The following C17orf78 variants were observed in gnomAD, a reference collection of about 807,000 sequenced individuals.
C17orf78 encodes the protein uncharacterized protein C17orf78.
Under a neutral mutation model 31.8 loss-of-function variants are expected in C17orf78, and 27 were observed. The observed-to-expected ratio is 0.85, with a 90% CI of 0.63 to 1.17. The LOEUF (loss-of-function observed/expected upper bound fraction) is 1.17, where lower values mean the gene tolerates loss of function less well. Among genes scored for constraint, C17orf78 ranks in the 50% most tolerant of loss-of-function variants. The probability of loss-of-function intolerance (pLI) is 0.00; values close to 1 mark genes in which losing one functional copy is unlikely to be tolerated. For synonymous variants in C17orf78, 106 were observed against 115.1 expected, an observed-to-expected ratio of 0.92 and a Z score of 0.51; for missense variants, 258 against 315.2, an observed-to-expected ratio of 0.82 and a Z score of 1.37.
chr17:37,391,323 T>C (rs1033737405), intron 6 of C17orf78, among the ~76,000 whole-genome samples: 1 of 152,210 alleles, frequency 6.6e-6, no homozygotes, highest in Non-Finnish European at 1.5e-5. Flanking sequence ...CCAGGGCAAG[T>C]ATCTACATTT....
At chr17:37,381,781 C>T (rs1178575738) in intron 3 of C17orf78, among the ~76,000 whole-genome samples, 7 of 151,788 alleles carry the variant, frequency 4.6e-5, no homozygotes, top group Admixed American at 4.6e-4. Flanking sequence ...GCACTCGCCA[C>T]CACACCCAGT....
intron 5 of C17orf78, 57 bp from the exon 6 acceptor site, chr17:37,389,189 G>A: frequency 6.5e-7 from 1 of 1,534,962 alleles, no homozygotes; most frequent in Non-Finnish European, 8.8e-7. Flanking sequence ...AGGTTTGGAA[G>A]AAAACCAAAT....
chr17:37,391,998 C>A lies in C17orf78; in HGVS notation c.*274C>A, dbSNP rs1258859433. ...GAACAAAAAGTATTCCCTGCAAGCA[C>A]TATGAATGGACCTTACTACTCTCTT... On this transcript the variant is annotated 3_prime_UTR_variant, in exon 7 of 7. Coordinates refer to ENST00000615133, the MANE Select transcript of C17orf78 (RefSeq NM_173625.5). 2 of 459,706 alleles carry A rather than the reference C, an allele frequency of 4.4e-6. No individual in the cohort carries two copies. Among genetic ancestry groups the A allele is most frequent in the Admixed American group, 3.4e-5 (1 of 29,260 alleles). 28.5% of individuals were successfully genotyped at this position (459,706 alleles called of 1,614,324 possible). A position where few individuals can be genotyped will look rare whatever the true frequency, so the allele number is the denominator to read the frequency against.
At chr17:37,381,907 G>A (rs74862077) in intron 3 of C17orf78, among the ~76,000 whole-genome samples, 5,552 of 152,054 alleles carry the variant, frequency 0.037, 295 homozygotes, top group African/African-American at 0.11. Flanking sequence ...GATTACAGGC[G>A]TGAGCCACTG....
Position 37,389,346 on chromosome 17 carries a change from A to T in C17orf78, c.734A>T (p.Asp245Val). 1.9e-6 allele frequency: 3 copies of T among 1,587,822 alleles called. No individual in the cohort carries two copies. The South Asian group carries it at 3.5e-5, about 18-fold the overall frequency. Residue 245 changes from aspartate to valine, a missense_variant, in exon 6 of 7, where the codon GAC becomes GTC. Asp to Val is a radical substitution (Grantham distance 152). Transcript: ENST00000615133. ...QPPGTAESKP[D>V]SQPQKVGQDA... ...CCTGGGACAGCTGAATCCAAGCCTG[A>T]CTCTCAGCCCCAGAAGGAAAGTGTT...
chr17:37,385,521 T>C (rs2050488247), intron 3 of C17orf78, among the ~76,000 whole-genome samples: 1 of 151,958 alleles, frequency 6.6e-6, no homozygotes, highest in African/African-American at 2.4e-5. Context: ...TACATGAAGC[T>C]GGGTGGCTTT....
chr17:37,377,854 C>T, intron 1 of C17orf78, 25 bp from the exon 2 acceptor site: 1 of 1,594,710 alleles, frequency 6.3e-7, no homozygotes. Context: ...CCCGGTTCCC[C>T]TCCTCCCCCT....
At chr17:37,390,330 A>ATATATATCTATATCTATATC (rs1386032855) in intron 6 of C17orf78, among the ~76,000 whole-genome samples, 2 of 41,592 alleles carry the variant, frequency 4.8e-5, no homozygotes, top group African/African-American at 2.6e-4. Context: ...ATATATATAT[A>ATATATATCTATATCTATATC]TATAAAAGGC....
At chr17:37,382,553 A>G (rs2050343078) in intron 3 of C17orf78, among the ~76,000 whole-genome samples, 1 of 152,092 alleles carries the variant, frequency 6.6e-6, no homozygotes, top group Admixed American at 6.6e-5. Flanking sequence ...TCAGGATGTT[A>G]CAGAAAAACT....
At chr17:37,387,273 C>A (rs562778443) in intron 4 of C17orf78, 3 of 152,236 alleles carry the variant, frequency 2.0e-5, no homozygotes, top group Admixed American at 1.3e-4. Flanking sequence ...GCATGCACCA[C>A]CACGCCTGGC....
intron 4 of C17orf78, 129 bp downstream of exon 4, chr17:37,386,254 C>T (rs548348578): frequency 7.5e-5 from 46 of 616,596 alleles, no homozygotes; most frequent in Admixed American, 4.7e-4. Context: ...TGAGAAGTTA[C>T]TGAATGTACA....
intron 3 of C17orf78, among the ~76,000 whole-genome samples, chr17:37,383,283 A>G (rs1418719017): frequency 6.6e-6 from 1 of 152,154 alleles, no homozygotes; most frequent in Non-Finnish European, 1.5e-5. Context: ...GGACAAGGAA[A>G]ACTGAGGGGT....
intron 3 of C17orf78, among the ~76,000 whole-genome samples, chr17:37,383,064 G>C (rs2050375149): frequency 6.6e-6 from 1 of 152,092 alleles, no homozygotes; most frequent in Admixed American, 6.6e-5. Flanking sequence ...AAAAGACTCT[G>C]GCAGGGTTTT....
chr17:37,381,868 CTG>C (rs1568082212), intron 3 of C17orf78, among the ~76,000 whole-genome samples: 5 of 151,504 alleles, frequency 3.3e-5, no homozygotes, highest in Non-Finnish European at 7.4e-5. Flanking sequence ...ACCTTGTGAT[CTG>C]CCCGCCTTGG....
intron 4 of C17orf78, among the ~76,000 whole-genome samples, chr17:37,388,087 C>T (rs1046547295): frequency 1.3e-5 from 2 of 151,978 alleles, no homozygotes; most frequent in African/African-American, 2.4e-5. Context: ...ATGGTTTGAG[C>T]CTGGGAGATT....
At chr17:37,390,140 GTATA>G (rs1243535532) in intron 6 of C17orf78, among the ~76,000 whole-genome samples, 577 of 34,612 alleles carry the variant, frequency 0.017, 14 homozygotes, top group Non-Finnish European at 0.021. Context: ...AAAAAAAAAA[GTATA>G]TATATATATA....
intron 6 of C17orf78, 120 bp downstream of exon 6, chr17:37,389,482 A>G (rs935874225): frequency 1.5e-6 from 2 of 1,375,306 alleles, no homozygotes; most frequent in East Asian, 5.1e-5. Flanking sequence ...GGATCACCTG[A>G]GGTGATCGAG....
chr17:37,389,444 C>G (rs903007884), intron 6 of C17orf78, 82 bp downstream of exon 6: 16 of 1,498,442 alleles, frequency 1.1e-5, no homozygotes, highest in Admixed American at 2.1e-5. Flanking sequence ...CACCTCTATT[C>G]CCAGCACTTT....
At position 37,387,064 on chromosome 17, in the gene C17orf78, G is replaced by A. The variant is rs193227429; in HGVS notation, c.508+939G>A. The A allele has an allele frequency of 3.1e-3, 475 of 152,352 alleles. 2 individuals are homozygous for A. The highest frequency in any genetic ancestry group is 0.01 in the Middle Eastern group (3 of 292). The allele number at this position is 152,352 out of a possible 1,614,324, so 9.4% of individuals were successfully genotyped here. A position where few individuals can be genotyped will look rare whatever the true frequency, so the allele number is the denominator to read the frequency against. On this transcript the variant is annotated intron_variant, in intron 4 of 6. Transcript: ENST00000615133. ...ACTCCTGGGCTCAAGCGATCCTACC[G>A]CCTCAGCCTCCCAAACTGCTGGGAT...
Sources: gnomAD v4.1 joint callset for allele counts (sites outside exome capture counted in the v4.1 genomes callset) on GRCh38, gnomAD v4.1.1 for gene constraint, MANE v1.5 for transcripts, NCBI Gene and HGNC (gene_info 2026-07-23, HGNC 2026-07-21) for gene names.